ERBB4: variants seen among roughly 807,000 people sequenced by gnomAD.
ERBB4 encodes the protein receptor tyrosine-protein kinase erbB-4.
ERBB4 carries 42 observed loss-of-function variants against 158.0 expected under a neutral mutation model. The ratio of observed to expected loss-of-function variants is 0.27; its 90% CI spans 0.21 to 0.34. The LOEUF (loss-of-function observed/expected upper bound fraction) is 0.34, where lower values mean the gene tolerates loss of function less well. ERBB4 is among the 10% of genes least tolerant of loss of function. The pLI, the probability that ERBB4 is intolerant of heterozygous loss-of-function variation, is 1.00. For synonymous variants in ERBB4, 583 were observed against 558.7 expected, an observed-to-expected ratio of 1.04 and a Z score of -0.61; for missense variants, 1,333 against 1,624.1, an observed-to-expected ratio of 0.82 and a Z score of 3.08.
chr2:211,595,778 T>C (rs553147636), intron 19 of ERBB4, among the ~76,000 whole-genome samples: 1 of 152,298 alleles, frequency 6.6e-6, no homozygotes, highest in East Asian at 1.9e-4. Flanking sequence ...ATAGTATTGC[T>C]GAGAAGCAAA....
intron 20 of ERBB4, among the ~76,000 whole-genome samples, chr2:211,490,993 C>T (rs567549336): frequency 6.1e-4 from 93 of 152,202 alleles, no homozygotes; most frequent in African/African-American, 2.2e-3. Flanking sequence ...ATTCTGAAAT[C>T]TATATTCACC....
chr2:212,058,985 T>A (rs956459998), intron 2 of ERBB4, among the ~76,000 whole-genome samples: 9 of 152,180 alleles, frequency 5.9e-5, no homozygotes, highest in African/African-American at 9.6e-5. Flanking sequence ...CAATTAGGCA[T>A]AGAGGAAGTC....
chr2:211,437,764 T>A (rs2063886558), intron 20 of ERBB4, among the ~76,000 whole-genome samples: 1 of 152,180 alleles, frequency 6.6e-6, no homozygotes, highest in Non-Finnish European at 1.5e-5. Flanking sequence ...TTTTTTCTGT[T>A]TTCATTCTAA....
chr2:211,452,620 C>T (rs1023086291), intron 20 of ERBB4, among the ~76,000 whole-genome samples: 1 of 152,136 alleles, frequency 6.6e-6, no homozygotes, highest in Non-Finnish European at 1.5e-5. Flanking sequence ...AGCTCTGTTA[C>T]CAACTATCTC....
chr2:212,327,194 G>A (rs7562328), intron 1 of ERBB4, among the ~76,000 whole-genome samples: 28,864 of 142,124 alleles, frequency 0.2, 3,852 homozygotes, highest in South Asian at 0.3. Context: ...TATTATTATT[G>A]TTACTATTAA....
intron 1 of ERBB4, among the ~76,000 whole-genome samples, chr2:212,536,613 C>G (rs567409526): frequency 6.0e-4 from 91 of 152,310 alleles, no homozygotes; most frequent in African/African-American, 2.1e-3. Context: ...AGGGCGCGAG[C>G]TAGTGTCGCC....
Position 211,772,955 on chromosome 2 carries a change from A to ATTTTTT in ERBB4, c.556+15064_556+15069dup, listed in dbSNP as rs1328976588. Among the ~76,000 whole-genome samples, 6 of 83,302 alleles carry ATTTTTT rather than the reference A, an allele frequency of 7.2e-5. 1 individual carries two copies. The highest frequency in any genetic ancestry group is 1.6e-4 in the African/African-American group (3 of 18,300). The allele number at this position is 83,302 out of a possible 152,430, so 54.6% of individuals were successfully genotyped here. A position where few individuals can be genotyped will look rare whatever the true frequency, so the allele number is the denominator to read the frequency against. ...TATATATATATATATATATATATAT[A>ATTTTTT]TTTTTTTTTTTAAAGATGGGGTCCT... On this transcript the variant is annotated intron_variant, in intron 4 of 27. Transcript: ENST00000342788.
intron 2 of ERBB4, among the ~76,000 whole-genome samples, chr2:212,111,740 C>A (rs913628857): frequency 1.5e-4 from 23 of 151,920 alleles, no homozygotes; most frequent in South Asian, 4.1e-4. Context: ...AACTCACAAC[C>A]CTTTTTTAAA....
chr2:211,885,961 G>C (rs2078789103), intron 3 of ERBB4, among the ~76,000 whole-genome samples: 1 of 152,000 alleles, frequency 6.6e-6, no homozygotes, highest in South Asian at 2.1e-4. Flanking sequence ...CTAACAATGT[G>C]GAGAATTAAA....
intron 20 of ERBB4, among the ~76,000 whole-genome samples, chr2:211,471,609 G>A (rs1478545024): frequency 6.6e-6 from 1 of 152,142 alleles, no homozygotes; most frequent in African/African-American, 2.4e-5. Context: ...GTGGAACTGG[G>A]ATTTGATGTC....
At chr2:212,309,369 T>A (rs1400964157) in intron 1 of ERBB4, among the ~76,000 whole-genome samples, 1 of 150,932 alleles carries the variant, frequency 6.6e-6, no homozygotes, top group Non-Finnish European at 1.5e-5. Flanking sequence ...ATTCATTGAA[T>A]ACTTATTATA....
At chr2:211,761,363 A>G (rs1174127954) in intron 4 of ERBB4, among the ~76,000 whole-genome samples, 3 of 152,186 alleles carry the variant, frequency 2.0e-5, no homozygotes, top group Admixed American at 2.0e-4. Context: ...TATAACATCC[A>G]CAGCAAAGAA....
intron 1 of ERBB4, among the ~76,000 whole-genome samples, chr2:212,517,525 G>C (rs1691914887): frequency 6.6e-6 from 1 of 152,050 alleles, no homozygotes; most frequent in African/African-American, 2.4e-5. Context: ...GCAATGTGTT[G>C]AGTGGTAAGT....
At chr2:211,715,731 C>T (rs1164989754) in intron 7 of ERBB4, among the ~76,000 whole-genome samples, 1 of 152,156 alleles carries the variant, frequency 6.6e-6, no homozygotes, top group African/African-American at 2.4e-5. Context: ...TGCTTCTCTT[C>T]ACCTTCACTG....
At chr2:212,007,807 A>G (rs2076292433) in intron 2 of ERBB4, among the ~76,000 whole-genome samples, 1 of 151,974 alleles carries the variant, frequency 6.6e-6, no homozygotes, top group Non-Finnish European at 1.5e-5. Context: ...CCTTTGATCA[A>G]TTTCATAGTT....
intron 1 of ERBB4, among the ~76,000 whole-genome samples, chr2:212,168,528 G>C (rs1043203042): frequency 1.3e-5 from 2 of 152,090 alleles, no homozygotes; most frequent in African/African-American, 4.8e-5. Flanking sequence ...CATAATTCCA[G>C]ATTCTTAAGG....
At chr2:212,058,189 G>C (rs1344960757) in intron 2 of ERBB4, among the ~76,000 whole-genome samples, 1 of 152,162 alleles carries the variant, frequency 6.6e-6, no homozygotes, top group Non-Finnish European at 1.5e-5. Flanking sequence ...AGAAAATCTA[G>C]AAGAAGTGGA....
chr2:212,236,148 C>G (rs924981591), intron 1 of ERBB4, among the ~76,000 whole-genome samples: 2 of 152,106 alleles, frequency 1.3e-5, no homozygotes, highest in Non-Finnish European at 2.9e-5. Context: ...TCTATCAATA[C>G]TAGTTTATTG....
chr2:212,322,393 T>C (rs1164708930), intron 1 of ERBB4, among the ~76,000 whole-genome samples: 1 of 149,796 alleles, frequency 6.7e-6, no homozygotes, highest in Non-Finnish European at 1.5e-5. Context: ...ACTCAAAAAA[T>C]TGCCTTTCTC....
Sources: allele counts gnomAD v4.1 joint callset (sites outside exome capture counted in the v4.1 genomes callset), GRCh38; gene constraint gnomAD v4.1.1; transcripts MANE v1.5; gene names NCBI Gene and HGNC (gene_info 2026-07-23, HGNC 2026-07-21).